GBF1: variants seen among roughly 807,000 people sequenced by gnomAD.
GBF1 encodes the protein golgi brefeldin A resistant guanine nucleotide exchange factor 1, also known as Golgi-specific brefeldin A-resistance guanine nucleotide exchange factor 1.
Under a neutral mutation model 210.5 loss-of-function variants are expected in GBF1, and 114 were observed. That is an observed-to-expected ratio of 0.54 (90% CI 0.47 to 0.63). The LOEUF is 0.63. Ranked by LOEUF, GBF1 falls within the 30% of genes least tolerant of loss-of-function variation. The pLI is 0.00. For missense variants in GBF1, 1,851 were observed against 2,357.7 expected, an observed-to-expected ratio of 0.79 and a Z score of 4.45; for synonymous variants, 850 against 889.2, an observed-to-expected ratio of 0.96 and a Z score of 0.78.
At chr10:102,258,050 G>T (rs2072654595) in intron 1 of GBF1, among the ~76,000 whole-genome samples, 1 of 151,830 alleles carries the variant, frequency 6.6e-6, no homozygotes, top group Non-Finnish European at 1.5e-5. Flanking sequence ...CTCGCTTTGA[G>T]TTGTATCTTG....
chr10:102,243,502 A>G (rs1263133847), upstream of GBF1, among the ~76,000 whole-genome samples: 4 of 152,192 alleles, frequency 2.6e-5, no homozygotes, highest in African/African-American at 9.7e-5. Flanking sequence ...GCACAATCAC[A>G]TGCTTTTAGA....
At chr10:102,296,970 G>A (rs1051213339) in intron 3 of GBF1, among the ~76,000 whole-genome samples, 9 of 151,998 alleles carry the variant, frequency 5.9e-5, no homozygotes, top group African/African-American at 2.2e-4. Flanking sequence ...GTTTGAACCC[G>A]GGAGGCAGAG....
intron 21 of GBF1, 31 bp from the exon 22 acceptor site, chr10:102,368,187 T>A (rs1410545910): frequency 3.5e-6 from 5 of 1,447,712 alleles, no homozygotes; most frequent in Non-Finnish European, 4.9e-6. Flanking sequence ...TTCAAAGCAG[T>A]GCAACTGCTC....
At position 102,323,293 on chromosome 10, in the gene GBF1, G is replaced by A. The variant is rs1005994945; in HGVS notation, c.164-20758G>A. On this transcript the variant is annotated intron_variant, in intron 3 of 39. Coordinates refer to ENST00000369983, the MANE Select transcript of GBF1 (RefSeq NM_001377137.1). ...GAAGAAGCTTCAAAGCCTTTTTAGT[G>A]CCTGGGCATGGAAGTCCCAGATTGT... is the stretch of plus-strand genomic sequence containing the variant. Among the ~76,000 whole-genome samples, 3 of 149,570 alleles carry A rather than the reference G, an allele frequency of 2.0e-5. No individual in the cohort carries two copies. The Admixed American group carries it at 2.0e-4, about 10-fold the overall frequency.
At chr10:102,369,156 T>C (rs1204383361) in intron 23 of GBF1, 55 bp from the exon 24 acceptor site, 2 of 1,326,620 alleles carry the variant, frequency 1.5e-6, no homozygotes, top group Middle Eastern at 3.7e-4. Context: ...ACCTAAGAGA[T>C]TTTCCTTTCC....
At chr10:102,314,796 T>G (rs1194467930) in intron 3 of GBF1, among the ~76,000 whole-genome samples, 2 of 152,196 alleles carry the variant, frequency 1.3e-5, no homozygotes, top group Non-Finnish European at 2.9e-5. Context: ...TTCCCCTTCT[T>G]TGCTCTTTCA....
intron 24 of GBF1, 115 bp from the exon 25 acceptor site, chr10:102,369,596 A>C: frequency 9.8e-7 from 1 of 1,018,888 alleles, no homozygotes; most frequent in Non-Finnish European, 1.5e-6. Context: ...ACCAATTGGC[A>C]CAATAGCATA....
intron 3 of GBF1, among the ~76,000 whole-genome samples, chr10:102,263,167 C>T (rs567961387): frequency 1.3e-5 from 2 of 152,332 alleles, no homozygotes; most frequent in Non-Finnish European, 2.9e-5. Flanking sequence ...TCCCTGTGGT[C>T]CTGGACTCTG....
At chr10:102,298,294 A>G (rs749090324) in intron 3 of GBF1, among the ~76,000 whole-genome samples, 2 of 152,202 alleles carry the variant, frequency 1.3e-5, no homozygotes, top group Non-Finnish European at 2.9e-5. Flanking sequence ...GCTGTTATCT[A>G]TACCTAGGTA....
chr10:102,360,434 A>C (rs753580190), intron 12 of GBF1, 39 bp downstream of exon 12: 1 of 1,354,462 alleles, frequency 7.4e-7, no homozygotes, highest in Admixed American at 1.7e-5. Context: ...AGCCTCTTTC[A>C]AGGGCCAGGG....
intron 3 of GBF1, among the ~76,000 whole-genome samples, chr10:102,271,514 C>CTT (rs66646383): frequency 2.9e-4 from 40 of 140,140 alleles, no homozygotes; most frequent in East Asian, 2.3e-3. Flanking sequence ...TTTTCTCCAC[C>CTT]TTTTTTTTTT....
chr10:102,373,034 GT>G (rs1170754636), intron 29 of GBF1, among the ~76,000 whole-genome samples: 1 of 152,204 alleles, frequency 6.6e-6, no homozygotes, highest in Non-Finnish European at 1.5e-5. Context: ...ATTTTTAAAA[GT>G]TTTGTTCTAT....
chr10:102,238,038 C>T, the GBF1 span, among the ~76,000 whole-genome samples: 1 of 152,112 alleles, frequency 6.6e-6, no homozygotes, highest in Admixed American at 6.5e-5. Flanking sequence ...AAAGGAGAAA[C>T]TATTAACTGA....
chr10:102,351,179 C>G lies in GBF1; in HGVS notation c.296-77C>G, dbSNP rs569026050. 1.5e-3 allele frequency: 1,226 copies of G among 838,446 alleles called. 6 individuals carry two copies. Among genetic ancestry groups the G allele is most frequent in the Non-Finnish European group, 2.1e-3 (1,041 of 495,026 alleles). The allele number at this position is 838,446 out of a possible 1,614,324, so 51.9% of individuals were successfully genotyped here. A position where few individuals can be genotyped will look rare whatever the true frequency, so the allele number is the denominator to read the frequency against. The stretch of plus-strand genomic sequence containing the variant: ...GAACTGAAGAGGAAAAACTGTCTCT[C>G]AAAGCTAGACAGGCTGCCTTACCTT... On this transcript the variant is annotated intron_variant, in intron 4 of 39. Coordinates refer to ENST00000369983, the MANE Select transcript of GBF1 (RefSeq NM_001377137.1).
chr10:102,379,569 C>T lies in GBF1; in HGVS notation c.4694C>T (p.Ala1565Val). 6.2e-7 allele frequency: 1 copy of T among 1,614,068 alleles called. No individual in the cohort carries two copies. Among genetic ancestry groups the T allele is most frequent in the South Asian group, 1.1e-5 (1 of 91,080 alleles). ...CDARRQVRMQ[A>V]LTYLQRALLV... is the part of the protein sequence containing the mutation. Reference sequence around the variant, plus strand: ...GCCCGGCGCCAGGTACGGATGCAGGCACTGACCTATCTGCAGCGAGCACTA... The same window carrying T: ...GCCCGGCGCCAGGTACGGATGCAGGTACTGACCTATCTGCAGCGAGCACTA... Residue 1565 changes from alanine to valine, a missense_variant, in exon 35 of 40, where the codon GCA (alanine) becomes GTA (valine). Physicochemically the swap from Ala to Val is moderately conservative, Grantham distance 64. This residue lies in a region of GBF1 where 967 missense variants were observed against 1,247.7 expected (regional missense o/e 0.78). Coordinates refer to ENST00000369983, the MANE Select transcript of GBF1 (RefSeq NM_001377137.1).
intron 3 of GBF1, among the ~76,000 whole-genome samples, chr10:102,287,362 T>C (rs1390087244): frequency 4.3e-5 from 6 of 139,626 alleles, no homozygotes; most frequent in Admixed American, 1.4e-4. Context: ...TTTTTTTTTT[T>C]TTTTTTTTTG....
intron 1 of GBF1, among the ~76,000 whole-genome samples, chr10:102,247,649 C>T (rs1554938218): frequency 2.6e-5 from 4 of 151,938 alleles, no homozygotes; most frequent in Non-Finnish European, 4.4e-5. Context: ...CTCTCTCTTT[C>T]TTTTTTTTAA....
chr10:102,280,706 A>G (rs1366137407), intron 3 of GBF1, among the ~76,000 whole-genome samples: 2 of 152,194 alleles, frequency 1.3e-5, no homozygotes, highest in Admixed American at 1.3e-4. Context: ...GAAGGCTAGC[A>G]ATAGAGGAAG....
intron 3 of GBF1, among the ~76,000 whole-genome samples, chr10:102,286,708 A>G (rs904029593): frequency 1.3e-5 from 2 of 152,194 alleles, no homozygotes; most frequent in Admixed American, 6.5e-5. Context: ...TCATACAAAT[A>G]TCGGAATTCA....
Sources: gnomAD v4.1 joint callset for allele counts (sites outside exome capture counted in the v4.1 genomes callset) on GRCh38, gnomAD v4.1.1 for gene constraint, gnomAD v4.1.1 regional missense constraint, MANE v1.5 for transcripts, NCBI Gene and HGNC (gene_info 2026-07-23, HGNC 2026-07-21) for gene names.